Variants in PDE1C observed in about 807,000 individuals in gnomAD.
The protein encoded by PDE1C is phosphodiesterase 1C.
Under a neutral mutation model 93.1 loss-of-function variants are expected in PDE1C, and 62 were observed. The observed-to-expected ratio is 0.67, with a 90% CI of 0.54 to 0.82. The LOEUF (loss-of-function observed/expected upper bound fraction) is 0.82. PDE1C is among the 40% of genes least tolerant of loss of function. The pLI is 0.00. For synonymous variants in PDE1C, 325 were observed against 310.1 expected (o/e 1.05, Z -0.50); for missense variants, 742 against 884.6 (o/e 0.84, Z 2.04).
At chr7:31,662,083 C>A in the PDE1C span, among the ~76,000 whole-genome samples, 1 of 152,154 alleles carries the variant, frequency 6.6e-6, no homozygotes, top group Non-Finnish European at 1.5e-5. Flanking sequence ...ATCACTTTTA[C>A]TTTTGTAGGG....
intron 2 of PDE1C, among the ~76,000 whole-genome samples, chr7:31,923,642 A>G (rs1202077498): frequency 6.6e-6 from 1 of 152,160 alleles, no homozygotes; most frequent in Non-Finnish European, 1.5e-5. Flanking sequence ...CTTACAAGAA[A>G]GCTTAGACAC....
At chr7:32,224,267 G>A (rs1807088603) in intron 1 of PDE1C, among the ~76,000 whole-genome samples, 1 of 152,184 alleles carries the variant, frequency 6.6e-6, no homozygotes, top group African/African-American at 2.4e-5. Context: ...CAGCTACTCA[G>A]GAGGCTGAGG....
Position 32,102,672 on chromosome 7 carries a change from A to G in PDE1C, c.308+67113T>C, listed in dbSNP as rs976496979. Reference sequence around the variant, plus strand: ...GACAACTGCTTCTACAGCATGGCACACTGCCAAATGGGAGACAAAGGCACA... The same window carrying G: ...GACAACTGCTTCTACAGCATGGCACGCTGCCAAATGGGAGACAAAGGCACA... On this transcript the variant is annotated intron_variant, in intron 3 of 18. Transcript: ENST00000396193. Among the ~76,000 whole-genome samples the G allele has an allele frequency of 2.0e-4, 31 of 152,352 alleles. 1 individual carries two copies. The highest frequency in any genetic ancestry group is 2.1e-4 in the South Asian group (1 of 4,828).
At chr7:31,711,178 T>C in the PDE1C span, among the ~76,000 whole-genome samples, 2 of 152,230 alleles carry the variant, frequency 1.3e-5, no homozygotes, top group Admixed American at 1.3e-4. Context: ...ATTTTGAGCG[T>C]GGAACAAAGA....
chr7:32,335,937 C>T (rs984727359), intron 1 of PDE1C, among the ~76,000 whole-genome samples: 2 of 151,978 alleles, frequency 1.3e-5, no homozygotes, highest in Non-Finnish European at 2.9e-5. Flanking sequence ...ACTATGTTGC[C>T]CAGAGTGATC....
the PDE1C span, chr7:31,652,055 G>T: frequency 3.8e-6 from 6 of 1,572,914 alleles, no homozygotes; most frequent in East Asian, 1.4e-4. Flanking sequence ...TTACTGGTAT[G>T]GGTGATGGGG....
intron 2 of PDE1C, among the ~76,000 whole-genome samples, chr7:32,205,633 T>G (rs1159343835): frequency 6.6e-6 from 1 of 152,162 alleles, no homozygotes; most frequent in Non-Finnish European, 1.5e-5. Context: ...GGTCTGCTTG[T>G]GCCCTGCAGA....
At chr7:32,188,119 G>T (rs1035323874) in intron 2 of PDE1C, among the ~76,000 whole-genome samples, 4 of 151,686 alleles carry the variant, frequency 2.6e-5, no homozygotes, top group African/African-American at 9.7e-5. Flanking sequence ...CTGTAGAAGA[G>T]AATTAGGAAT....
intron 10 of PDE1C, 78 bp downstream of exon 10, chr7:31,837,792 T>G (rs1161775660): frequency 1.1e-6 from 1 of 893,964 alleles, no homozygotes; most frequent in East Asian, 2.4e-5. Context: ...GGAGATGCTC[T>G]TTAAAGGGAT....
At chr7:32,262,857 G>A (rs1212013939) in intron 1 of PDE1C, among the ~76,000 whole-genome samples, 1 of 152,100 alleles carries the variant, frequency 6.6e-6, no homozygotes, top group Non-Finnish European at 1.5e-5. Context: ...TAGGTGTAGG[G>A]GCTAAACCTT....
the PDE1C span, among the ~76,000 whole-genome samples, chr7:31,739,584 A>C: frequency 6.6e-6 from 1 of 152,140 alleles, no homozygotes; most frequent in African/African-American, 2.4e-5. Context: ...GAAGGATTGG[A>C]TCATTTGTCC....
At chr7:31,711,849 G>A in the PDE1C span, among the ~76,000 whole-genome samples, 1 of 152,196 alleles carries the variant, frequency 6.6e-6, no homozygotes, top group African/African-American at 2.4e-5. Flanking sequence ...TAGAATAAAG[G>A]TAGAGATCTC....
At position 32,249,162 on chromosome 7, in the gene PDE1C, G is replaced by A. The variant is rs541261471; in HGVS notation, c.86-39623C>T. Among the ~76,000 whole-genome samples the A allele has an allele frequency of 3.3e-5, 5 of 152,164 alleles. No homozygotes were observed. The South Asian group carries it at 6.2e-4, about 19-fold the overall frequency. ...CAGTGTTCAGGCAGAGTCTGGACAAGAAGGGTGCTATGGAATGGGTTCAAT... is the reference window on the plus strand; with the variant it reads ...CAGTGTTCAGGCAGAGTCTGGACAAAAAGGGTGCTATGGAATGGGTTCAAT... On this transcript the variant is annotated intron_variant, in intron 1 of 18. Coordinates refer to the PDE1C transcript ENST00000396193.
At chr7:31,905,896 G>A (rs1053904351) in intron 2 of PDE1C, among the ~76,000 whole-genome samples, 2 of 152,078 alleles carry the variant, frequency 1.3e-5, no homozygotes, top group Non-Finnish European at 2.9e-5. Flanking sequence ...GGTTTTAAAC[G>A]GGACTTTTCC....
At chr7:32,282,730 G>A (rs575170481) in intron 1 of PDE1C, among the ~76,000 whole-genome samples, 39 of 151,584 alleles carry the variant, frequency 2.6e-4, no homozygotes, top group Non-Finnish European at 4.9e-4. Context: ...GCAGGCGCCC[G>A]CCACCATGCC....
At chr7:32,187,439 A>G (rs998152853) in intron 2 of PDE1C, among the ~76,000 whole-genome samples, 2 of 151,820 alleles carry the variant, frequency 1.3e-5, no homozygotes, top group African/African-American at 4.8e-5. Flanking sequence ...CTTTCCCTCT[A>G]CTCACTTTTA....
chr7:32,357,076 G>C (rs1275196613), intron 1 of PDE1C, among the ~76,000 whole-genome samples: 1 of 152,232 alleles, frequency 6.6e-6, no homozygotes, highest in Non-Finnish European at 1.5e-5. Context: ...GCTCATGCCT[G>C]TAATCCCAGC....
the PDE1C span, among the ~76,000 whole-genome samples, chr7:31,641,069 C>T: frequency 1.3e-5 from 2 of 152,130 alleles, no homozygotes; most frequent in South Asian, 2.1e-4. Context: ...GCTGTCTTTG[C>T]TCAGACACAT....
chr7:31,924,126 C>G (rs1400356747), intron 2 of PDE1C, among the ~76,000 whole-genome samples: 1 of 152,010 alleles, frequency 6.6e-6, no homozygotes, highest in Non-Finnish European at 1.5e-5. Context: ...AAATTAGGAT[C>G]TCCCAAAAAA....
Sources: allele counts gnomAD v4.1 joint callset (sites outside exome capture counted in the v4.1 genomes callset), GRCh38; gene constraint gnomAD v4.1.1; transcripts MANE v1.5; gene names NCBI Gene and HGNC (gene_info 2026-07-23, HGNC 2026-07-21).